GDAP1: variants seen among roughly 807,000 people sequenced by gnomAD.
The protein encoded by GDAP1 is ganglioside-induced differentiation-associated protein 1.
GDAP1 carries 34 observed loss-of-function variants against 40.1 expected under a neutral mutation model. The observed-to-expected ratio is 0.85, with a 90% CI of 0.64 to 1.13. The LOEUF is 1.13. GDAP1 is among the 50% of genes most tolerant of loss of function. The pLI is 0.00. For synonymous variants in GDAP1, 170 were observed against 157.4 expected, an observed-to-expected ratio of 1.08 and a Z score of -0.60; for missense variants, 374 against 433.7, an observed-to-expected ratio of 0.86 and a Z score of 1.22.
chr8:74,444,011 TATCTATCTATCTATC>T (rs202078172), intron 2 of GDAP1, among the ~76,000 whole-genome samples: 12,939 of 145,920 alleles, frequency 0.089, 666 homozygotes, highest in East Asian at 0.16. Context: ...TCTATCTATC[TATCTATCTATCTATC>T]ATCTATCATC....
intron 2 of GDAP1, among the ~76,000 whole-genome samples, chr8:74,392,393 G>A (rs146079197): frequency 8.1e-4 from 123 of 152,222 alleles, no homozygotes; most frequent in African/African-American, 2.6e-3. Context: ...CAAAGAAAAC[G>A]AGAGAAGAAT....
intron 2 of GDAP1, among the ~76,000 whole-genome samples, chr8:74,441,740 G>A (rs1256182699): frequency 6.6e-6 from 1 of 152,050 alleles, no homozygotes; most frequent in South Asian, 2.1e-4. Context: ...CTAAGAATTG[G>A]CATTAAATTA....
At chr8:74,395,336 C>T (rs1810177950) in intron 2 of GDAP1, among the ~76,000 whole-genome samples, 1 of 152,048 alleles carries the variant, frequency 6.6e-6, no homozygotes, top group African/African-American at 2.4e-5. Context: ...GTAAAGGTTC[C>T]AGTATGTGTC....
At position 74,470,301 on chromosome 8, in the gene GDAP1, G is replaced by A. The variant is rs147436069; in HGVS notation, c.166-18377G>A. On this transcript the variant is annotated intron_variant, in intron 2 of 2. Transcript: ENST00000523640. ...AAGTTTTAGGATACATGTGCACAACGTGCAGGTTGGTTACATATGTATACA... is the reference window on the plus strand; with the variant it reads ...AAGTTTTAGGATACATGTGCACAACATGCAGGTTGGTTACATATGTATACA... 3.9e-5 allele frequency among the ~76,000 whole-genome samples: 6 copies of A among 151,994 alleles called. No homozygotes were observed. The East Asian group carries it at 9.6e-4, about 24-fold the overall frequency.
chr8:74,390,781 C>A (rs994756533), intron 2 of GDAP1, among the ~76,000 whole-genome samples: 1 of 152,218 alleles, frequency 6.6e-6, no homozygotes, highest in Non-Finnish European at 1.5e-5. Flanking sequence ...ACTGCGCCCA[C>A]AGCTGTCCCT....
intron 2 of GDAP1, among the ~76,000 whole-genome samples, chr8:74,415,255 T>C (rs772278273): frequency 2.0e-5 from 3 of 150,274 alleles, no homozygotes; most frequent in Non-Finnish European, 4.4e-5. Flanking sequence ...TAATAGATGA[T>C]GAGTTCTTCT....
intron 2 of GDAP1, among the ~76,000 whole-genome samples, chr8:74,374,711 T>C (rs1052879490): frequency 2.0e-5 from 3 of 152,022 alleles, no homozygotes; most frequent in African/African-American, 7.2e-5. Flanking sequence ...ATTAAAAATA[T>C]TAGGAACAAA....
chr8:74,484,926 T>G (rs1026113141), intron 2 of GDAP1, among the ~76,000 whole-genome samples: 2 of 152,118 alleles, frequency 1.3e-5, no homozygotes, highest in Non-Finnish European at 2.9e-5. Flanking sequence ...CATTTCTTAG[T>G]TAGACTGTGG....
downstream of GDAP1, among the ~76,000 whole-genome samples, chr8:74,368,437 A>C (rs1348239399): frequency 6.6e-6 from 1 of 152,260 alleles, no homozygotes; most frequent in Non-Finnish European, 1.5e-5. Context: ...AAAGAAAATG[A>C]AGGTTTGCAT....
At chr8:74,397,690 G>C (rs1810233162) in intron 2 of GDAP1, among the ~76,000 whole-genome samples, 1 of 151,860 alleles carries the variant, frequency 6.6e-6, no homozygotes, top group African/African-American at 2.4e-5. Flanking sequence ...ATTTCTGAGG[G>C]CTCTGTTCTG....
Position 74,365,259 on chromosome 8 carries a change from T to G in GDAP1, c.*892T>G. ...GGCTGGTCTGTAAACACAAAAATTG[T>G]TGTCCAGATCTTTCATCTGTTTATG... On this transcript the variant is annotated 3_prime_UTR_variant, in exon 6 of 6. Coordinates refer to ENST00000220822, the MANE Select transcript of GDAP1 (RefSeq NM_018972.4). 4.4e-6 allele frequency: 2 copies of G among 454,130 alleles called. No individual in the cohort carries two copies. The highest frequency in any genetic ancestry group is 8.8e-6 in the Non-Finnish European group (2 of 226,780). 28.1% of individuals were successfully genotyped at this position (454,130 alleles called of 1,614,324 possible).
rs550171763 is a variant in GDAP1, at chr8:74,405,168, T to G, written c.165+53847T>G. Among the ~76,000 whole-genome samples the G allele has an allele frequency of 8.7e-5, 13 of 149,940 alleles. No individual in the cohort carries two copies. The East Asian group carries it at 2.5e-3, about 29-fold the overall frequency. ...AAAGGACGTCATACATGGTGGCAGG[T>G]AAGAGAGCTTGTGCAGGGAGAACTC... On this transcript the variant is annotated intron_variant, in intron 2 of 2. Transcript: ENST00000523640.
At chr8:74,482,110 GTT>G (rs747515183) in intron 2 of GDAP1, among the ~76,000 whole-genome samples, 1 of 64,926 alleles carries the variant, frequency 1.5e-5, no homozygotes, top group Non-Finnish European at 3.0e-5. Context: ...AAACTGAAGG[GTT>G]TTTTTTTGGG....
intron 2 of GDAP1, among the ~76,000 whole-genome samples, chr8:74,488,049 C>A (rs1275219271): frequency 6.6e-5 from 10 of 152,164 alleles, no homozygotes. Flanking sequence ...TACTTTTCTG[C>A]AATGTACTGC....
rs151226936 is a variant in GDAP1, at chr8:74,415,390, G to A, written c.165+64069G>A. ...ATCGTTAGCATGCCTCCCCCACTTG[G>A]AAAGAAAATATTAATAGTGTGTAGA... On this transcript the variant is annotated intron_variant, in intron 2 of 2. Coordinates refer to the GDAP1 transcript ENST00000523640. Among the ~76,000 whole-genome samples the A allele has an allele frequency of 4.3e-4, 64 of 150,186 alleles. 8 individuals are homozygous for A. Among genetic ancestry groups the A allele is most frequent in the African/African-American group, 1.5e-3 (58 of 39,512 alleles).
chr8:74,479,403 G>C (rs78706853), intron 2 of GDAP1, among the ~76,000 whole-genome samples: 49,387 of 151,946 alleles, frequency 0.33, 9,342 homozygotes, highest in Non-Finnish European at 0.41. Flanking sequence ...CATGGACTGA[G>C]AAGTGGAAAT....
At chr8:74,371,646 C>A (rs1323487671), downstream of GDAP1, among the ~76,000 whole-genome samples, 3 of 147,708 alleles carry the variant, frequency 2.0e-5, no homozygotes, top group Admixed American at 6.8e-5. Flanking sequence ...GGCGACAGAG[C>A]GAGACTCCGT....
At chr8:74,402,749 C>T (rs542578801) in intron 2 of GDAP1, among the ~76,000 whole-genome samples, 1 of 150,460 alleles carries the variant, frequency 6.6e-6, no homozygotes, top group African/African-American at 2.5e-5. Flanking sequence ...AATACTTTTA[C>T]TTTAAATATA....
intron 2 of GDAP1, among the ~76,000 whole-genome samples, chr8:74,407,946 C>T (rs1461065939): frequency 6.7e-6 from 1 of 149,914 alleles, no homozygotes; most frequent in East Asian, 1.9e-4. Flanking sequence ...GAAAAACTCC[C>T]TTAAAACACC....
Sources: allele counts gnomAD v4.1 joint callset (sites outside exome capture counted in the v4.1 genomes callset), GRCh38; gene constraint gnomAD v4.1.1; transcripts MANE v1.5; gene names NCBI Gene and HGNC (gene_info 2026-07-23, HGNC 2026-07-21).